LIMD1: variants seen among roughly 807,000 people sequenced by gnomAD.
LIMD1 encodes LIM domain containing 1.
LIMD1 carries 23 observed loss-of-function variants against 58.4 expected under a neutral mutation model. That is an observed-to-expected ratio of 0.39 (90% CI 0.28 to 0.56). The LOEUF is 0.56. Ranked by LOEUF, LIMD1 falls within the 20% of genes least tolerant of loss-of-function variation. LIMD1 has a pLI of 0.57. For synonymous variants in LIMD1, 334 were observed against 345.5 expected (o/e 0.97, Z 0.37); for missense variants, 838 against 855.5 (o/e 0.98, Z 0.25).
chr3:45,610,234 G>C (rs1701510615), intron 1 of LIMD1, among the ~76,000 whole-genome samples: 1 of 152,128 alleles, frequency 6.6e-6, no homozygotes, highest in Non-Finnish European at 1.5e-5. Context: ...GGCCAGATGT[G>C]GGGAGCAGAT....
At chr3:45,648,998 C>T (rs9834873) in intron 2 of LIMD1, among the ~76,000 whole-genome samples, 16,751 of 152,128 alleles carry the variant, frequency 0.11, 1,041 homozygotes, top group African/African-American at 0.15. Flanking sequence ...ACTGTCATTT[C>T]ATTTCTTGAT....
At position 45,596,222 on chromosome 3, in the gene LIMD1, A is replaced by C. The variant is rs779862899; in HGVS notation, c.1343A>C (p.Lys448Thr). 1 of 1,613,234 alleles carries C rather than the reference A, an allele frequency of 6.2e-7. No individual in the cohort carries two copies. Among genetic ancestry groups the C allele is most frequent in the South Asian group, 1.1e-5 (1 of 90,856 alleles). Residue 448 changes from lysine (K) to threonine (T), a missense_variant, in exon 1 of 8, where the codon AAA (lysine) becomes ACA (threonine). Around this residue, in one of 3 missense-constraint regions of LIMD1, gnomAD observed 659 missense variants for 639.8 expected, o/e 1.03. Transcript: ENST00000273317. ...PELRPSAAEL[K>T]LEALTQRLER... is the part of the protein sequence containing the mutation. ...CTGAGACCCTCTGCTGCTGAGTTGA[A>C]ATTAGAAGCCCTCACCCAACGTCTG...
At chr3:45,609,642 A>G (rs923645230) in intron 1 of LIMD1, among the ~76,000 whole-genome samples, 1 of 152,192 alleles carries the variant, frequency 6.6e-6, no homozygotes, top group Non-Finnish European at 1.5e-5. Flanking sequence ...CCCCAGACCT[A>G]TCTTTGCATT....
At chr3:45,612,779 A>G (rs866171243) in intron 1 of LIMD1, 1 of 152,232 alleles carries the variant, frequency 6.6e-6, no homozygotes, top group South Asian at 2.1e-4. Context: ...TAGTATTTAT[A>G]TACAGTTGAT....
At chr3:45,653,118 A>G (rs1357370020) in intron 2 of LIMD1, among the ~76,000 whole-genome samples, 1 of 152,144 alleles carries the variant, frequency 6.6e-6, no homozygotes, top group East Asian at 1.9e-4. Context: ...ATTTTTCTAT[A>G]TTATTGTATT....
chr3:45,609,249 TAGACCTCC>T (rs1175132553), intron 1 of LIMD1, among the ~76,000 whole-genome samples: 1 of 152,234 alleles, frequency 6.6e-6, no homozygotes, highest in African/African-American at 2.4e-5. Flanking sequence ...TTAGAAGTGC[TAGACCTCC>T]AGATTCAGTA....
At chr3:45,660,970 A>G (rs1389466245) in intron 2 of LIMD1, among the ~76,000 whole-genome samples, 3 of 152,194 alleles carry the variant, frequency 2.0e-5, no homozygotes, top group Non-Finnish European at 4.4e-5. Context: ...AGCTGTAGGT[A>G]GACATTCTTG....
intron 1 of LIMD1, among the ~76,000 whole-genome samples, chr3:45,606,112 T>G (rs555876737): frequency 4.9e-4 from 74 of 152,350 alleles, no homozygotes; most frequent in African/African-American, 1.7e-3. Context: ...TTCTAAGCAC[T>G]TCTTATGCTT....
intron 1 of LIMD1, among the ~76,000 whole-genome samples, chr3:45,599,928 C>T (rs1282346547): frequency 3.3e-5 from 5 of 150,120 alleles, no homozygotes; most frequent in Admixed American, 6.6e-5. Context: ...GGAAGTCTTT[C>T]GGTCTGAAGA....
rs977460262 is a variant in LIMD1 at position 45,684,232 on chromosome 3, C to G, written c.*7173C>G. The G allele has an allele frequency of 2.0e-5, 3 of 152,240 alleles. No homozygotes were observed. Among genetic ancestry groups the G allele is most frequent in the Admixed American group, 6.5e-5 (1 of 15,286 alleles). The allele number at this position is 152,240 out of a possible 1,614,324, so 9.4% of individuals were successfully genotyped here. On this transcript the variant is annotated 3_prime_UTR_variant, in exon 8 of 8. Coordinates refer to ENST00000273317, the MANE Select transcript of LIMD1 (RefSeq NM_014240.3). ...AAGGCAGCCTCAGGGACTGCCACCA[C>G]TTGGTCACATACATGTCCCTCCAAC...
chr3:45,620,326 C>T (rs1344114784), intron 1 of LIMD1, among the ~76,000 whole-genome samples: 2 of 151,910 alleles, frequency 1.3e-5, no homozygotes, highest in African/African-American at 4.8e-5. Context: ...TATTGTAACC[C>T]AGAGAATAAA....
chr3:45,674,404 A>G lies in LIMD1; in HGVS notation c.1886A>G (p.His629Arg), dbSNP rs911500227. 3.1e-6 allele frequency: 5 copies of G among 1,612,754 alleles called. No individual in the cohort carries two copies. The highest frequency in any genetic ancestry group is 3.4e-6 in the Non-Finnish European group (4 of 1,179,160). The part of the protein sequence containing the change: ...MDRDYHVECY[H>R]CEDCGLELND... ...AGAGACTACCACGTGGAGTGTTACCACTGCGAGGTAGACCCCTCCCCACCC... is the reference window on the plus strand; with the variant it reads ...AGAGACTACCACGTGGAGTGTTACCGCTGCGAGGTAGACCCCTCCCCACCC... The change falls in exon 7 of 8, where the codon CAC (histidine) becomes CGC (arginine). Residue 629 changes from histidine (H) to arginine (R), a missense_variant. His to Arg is a conservative substitution (Grantham distance 29). This residue lies in a region of LIMD1 where 174 missense variants were observed against 197.4 expected (regional missense o/e 0.88). Coordinates refer to ENST00000273317, the MANE Select transcript of LIMD1 (RefSeq NM_014240.3).
chr3:45,676,304 T>G (rs1697671282), intron 7 of LIMD1, among the ~76,000 whole-genome samples: 1 of 151,450 alleles, frequency 6.6e-6, no homozygotes. Context: ...AAGTTACCCA[T>G]GAGATTTTTT....
At chr3:45,665,203 A>G (rs112804338) in intron 2 of LIMD1, among the ~76,000 whole-genome samples, 1 of 152,092 alleles carries the variant, frequency 6.6e-6, no homozygotes, top group South Asian at 2.1e-4. Flanking sequence ...ACCAATGTAT[A>G]GGACTCTCCT....
At chr3:45,650,440 A>G (rs1241109231) in intron 2 of LIMD1, among the ~76,000 whole-genome samples, 1 of 151,742 alleles carries the variant, frequency 6.6e-6, no homozygotes, top group Non-Finnish European at 1.5e-5. Context: ...GTACCCATAA[A>G]CTCATCATTT....
chr3:45,653,907 CAAAA>C (rs35185922), intron 2 of LIMD1, among the ~76,000 whole-genome samples: 1 of 74,878 alleles, frequency 1.3e-5, no homozygotes, highest in Non-Finnish European at 2.5e-5. Flanking sequence ...AAGACTGTCT[CAAAA>C]AAAAAAAAAA....
At chr3:45,661,434 C>T (rs1373538355) in intron 2 of LIMD1, among the ~76,000 whole-genome samples, 1 of 152,134 alleles carries the variant, frequency 6.6e-6, no homozygotes, top group African/African-American at 2.4e-5. Flanking sequence ...TTTATGGCTG[C>T]ATAATATTCC....
At chr3:45,659,894 T>C (rs1463001719) in intron 2 of LIMD1, among the ~76,000 whole-genome samples, 4 of 152,198 alleles carry the variant, frequency 2.6e-5, no homozygotes, top group Admixed American at 2.6e-4. Flanking sequence ...CAGTAGCTTA[T>C]GAAAATATAC....
At chr3:45,632,136 A>T (rs1324441162) in intron 1 of LIMD1, among the ~76,000 whole-genome samples, 1 of 152,236 alleles carries the variant, frequency 6.6e-6, no homozygotes, top group Non-Finnish European at 1.5e-5. Flanking sequence ...GCACTGCTTT[A>T]ACATTACATG....
Sources: allele counts gnomAD v4.1 joint callset (sites outside exome capture counted in the v4.1 genomes callset), GRCh38; gene constraint gnomAD v4.1.1; regional missense constraint gnomAD v4.1.1; transcripts MANE v1.5; gene names NCBI Gene and HGNC (gene_info 2026-07-23, HGNC 2026-07-21).